The following TSNARE1 variants were observed in gnomAD, a reference collection of about 807,000 sequenced individuals.
The protein encoded by TSNARE1 is t-SNARE domain-containing protein 1.
Under a neutral mutation model 62.0 loss-of-function variants are expected in TSNARE1, and 49 were observed. The observed-to-expected ratio is 0.79, with a 90% CI of 0.63 to 1.00. The LOEUF is 1.00. Ranked by LOEUF, TSNARE1 falls within the 50% of genes least tolerant of loss-of-function variation. TSNARE1 has a pLI of 0.00. For synonymous variants in TSNARE1, 328 were observed against 294.4 expected, an observed-to-expected ratio of 1.11 and a Z score of -1.17; for missense variants, 755 against 700.1, an observed-to-expected ratio of 1.08 and a Z score of -0.88.
rs552052173 is a variant in TSNARE1, at chr8:142,279,601, A to T, written c.1364-4738T>A. ...TTGATGGCACAATGCTTGGCAATGC[A>T]GGGAGGACCCTGAGCTGGAACCGCA... On this transcript the variant is annotated intron_variant, in intron 11 of 13. Coordinates refer to ENST00000524325, the MANE Select transcript of TSNARE1 (RefSeq NM_145003.5). Among the ~76,000 whole-genome samples the T allele has an allele frequency of 2.6e-5, 4 of 152,304 alleles. No homozygotes were observed. The South Asian group carries it at 8.3e-4, about 32-fold the overall frequency.
At chr8:142,304,843 G>C (rs142161562) in intron 9 of TSNARE1, among the ~76,000 whole-genome samples, 2,201 of 152,310 alleles carry the variant, frequency 0.014, 26 homozygotes, top group Non-Finnish European at 0.022. Context: ...GGGGGACATG[G>C]CCATACACGC....
At chr8:142,374,564 AG>A (rs1836180683) in intron 1 of TSNARE1, among the ~76,000 whole-genome samples, 1 of 151,684 alleles carries the variant, frequency 6.6e-6, no homozygotes, top group Non-Finnish European at 1.5e-5. Context: ...CTGTAGTCCC[AG>A]GCTACTCGGG....
intron 1 of TSNARE1, among the ~76,000 whole-genome samples, chr8:142,389,106 T>C (rs1294851223): frequency 6.6e-6 from 1 of 152,182 alleles, no homozygotes; most frequent in East Asian, 1.9e-4. Context: ...CACTCATTCA[T>C]GGTCAAATGA....
At chr8:142,382,199 G>A (rs969310519) in intron 1 of TSNARE1, among the ~76,000 whole-genome samples, 3 of 152,250 alleles carry the variant, frequency 2.0e-5, no homozygotes, top group South Asian at 2.1e-4. Context: ...CCCAGCTGGG[G>A]AGCTGCAGTT....
At chr8:142,266,573 T>C (rs1819145270) in intron 12 of TSNARE1, among the ~76,000 whole-genome samples, 1 of 152,250 alleles carries the variant, frequency 6.6e-6, no homozygotes, top group Non-Finnish European at 1.5e-5. Context: ...CTGCTGCCAA[T>C]GTAATGTGAA....
chr8:142,374,330 A>C (rs1214930257), intron 1 of TSNARE1, among the ~76,000 whole-genome samples: 1 of 151,908 alleles, frequency 6.6e-6, no homozygotes, highest in Non-Finnish European at 1.5e-5. Flanking sequence ...AAAGAAAAAA[A>C]AAAAGACTTC....
chr8:142,269,529 A>G (rs1819337858), intron 12 of TSNARE1: 6 of 984,728 alleles, frequency 6.1e-6, no homozygotes, highest in Non-Finnish European at 7.2e-6. Flanking sequence ...AGGTTTTGCT[A>G]TGCTGTCCAG....
intron 10 of TSNARE1, among the ~76,000 whole-genome samples, chr8:142,295,756 C>T (rs1222993068): frequency 8.5e-5 from 13 of 152,068 alleles, no homozygotes; most frequent in African/African-American, 2.9e-4. Flanking sequence ...CCAGCTGGGC[C>T]GTCCATTGCC....
intron 9 of TSNARE1, 144 bp from the exon 10 acceptor site, chr8:142,300,788 C>A: frequency 1.3e-6 from 1 of 777,856 alleles, no homozygotes; most frequent in Non-Finnish European, 1.8e-6. Context: ...GAGGCGGGGG[C>A]CTTCTGCGGC....
intron 11 of TSNARE1, among the ~76,000 whole-genome samples, chr8:142,281,162 T>C (rs1001848010): frequency 7.9e-5 from 12 of 151,816 alleles, no homozygotes; most frequent in South Asian, 2.1e-4. Flanking sequence ...GGAGGGAGAA[T>C]GAGTGGGTGG....
intron 1 of TSNARE1, among the ~76,000 whole-genome samples, chr8:142,390,758 G>T (rs372413665): frequency 3.8e-4 from 9 of 23,452 alleles, no homozygotes; most frequent in Middle Eastern, 0.071. Context: ...TGTACACTGC[G>T]GGGGACTCCG....
intron 12 of TSNARE1, among the ~76,000 whole-genome samples, chr8:142,257,281 T>C (rs867549592): frequency 2.0e-5 from 3 of 152,212 alleles, no homozygotes; most frequent in Middle Eastern, 3.4e-3. Flanking sequence ...CATGCAAAGA[T>C]GGAGGGGCAG....
intron 11 of TSNARE1, among the ~76,000 whole-genome samples, chr8:142,283,208 A>G (rs955871531): frequency 8.4e-6 from 1 of 119,578 alleles, no homozygotes; most frequent in African/African-American, 3.3e-5. Context: ...TGTCTGTCTA[A>G]GGGCAAAAGC....
At chr8:142,329,929 G>A (rs536789890) in intron 6 of TSNARE1, among the ~76,000 whole-genome samples, 183 of 152,370 alleles carry the variant, frequency 1.2e-3, no homozygotes, top group Middle Eastern at 6.8e-3. Flanking sequence ...AGGCGCCTGC[G>A]GATTTTGAAC....
intron 11 of TSNARE1, chr8:142,275,279 C>T (rs896882111): frequency 2.7e-5 from 27 of 985,338 alleles, no homozygotes; most frequent in Non-Finnish European, 3.1e-5. Flanking sequence ...TGTGGAGTTG[C>T]GACGCGGCTG....
chr8:142,389,525 G>C (rs1002090507), intron 1 of TSNARE1, among the ~76,000 whole-genome samples: 4 of 152,108 alleles, frequency 2.6e-5, no homozygotes, highest in Non-Finnish European at 5.9e-5. Flanking sequence ...ATATGAACTA[G>C]ACCACCCATT....
In TSNARE1 at chr8:142,378,400, C is replaced by G. The variant is rs1346945880; in HGVS notation, c.-39-23637G>C. Among the ~76,000 whole-genome samples the G allele has an allele frequency of 3.3e-5, 5 of 152,200 alleles. No individual in the cohort carries two copies. The South Asian group carries it at 6.2e-4, about 19-fold the overall frequency. ...AAGGGACTCTCTTGGGGTGGAAGAT[C>G]ACCTTCGTGGCACGAGCAAAGACAG... is the stretch of plus-strand genomic sequence containing the variant. On this transcript the variant is annotated intron_variant, in intron 1 of 13. Transcript: ENST00000524325.
At chr8:142,378,518 A>G (rs1836504781) in intron 1 of TSNARE1, among the ~76,000 whole-genome samples, 1 of 152,184 alleles carries the variant, frequency 6.6e-6, no homozygotes, top group African/African-American at 2.4e-5. Flanking sequence ...TGCACAGCAA[A>G]AAGACCAGAA....
At chr8:142,390,345 T>C (rs1401414177) in intron 1 of TSNARE1, among the ~76,000 whole-genome samples, 1 of 140,880 alleles carries the variant, frequency 7.1e-6, no homozygotes, top group African/African-American at 2.7e-5. Flanking sequence ...TAACAGACGC[T>C]GTACACTGCG....
Sources: gnomAD v4.1 joint callset for allele counts (sites outside exome capture counted in the v4.1 genomes callset) on GRCh38, gnomAD v4.1.1 for gene constraint, MANE v1.5 for transcripts, NCBI Gene and HGNC (gene_info 2026-07-23, HGNC 2026-07-21) for gene names.